R3HDM2: variants seen among roughly 807,000 people sequenced by gnomAD.
R3HDM2 encodes the protein R3H domain containing 2.
Under a neutral mutation model 124.5 loss-of-function variants are expected in R3HDM2, and 38 were observed. The ratio of observed to expected loss-of-function variants is 0.31; its 90% CI spans 0.24 to 0.40. The LOEUF (loss-of-function observed/expected upper bound fraction) is 0.40, where lower values mean the gene tolerates loss of function less well. Ranked by LOEUF, R3HDM2 falls within the 10% of genes least tolerant of loss-of-function variation. R3HDM2 has a pLI of 1.00. For missense variants in R3HDM2, 869 were observed against 1,236.9 expected (o/e 0.70, Z 4.46); for synonymous variants, 391 against 448.0 (o/e 0.87, Z 1.61).
At chr12:57,427,295 A>T (rs2070833601) in intron 1 of R3HDM2, among the ~76,000 whole-genome samples, 2 of 149,112 alleles carry the variant, frequency 1.3e-5, no homozygotes, top group African/African-American at 2.5e-5. Flanking sequence ...TGTCTCAAAA[A>T]AAATAAATAA....
intron 1 of R3HDM2, among the ~76,000 whole-genome samples, chr12:57,421,563 T>C (rs2070202674): frequency 6.6e-6 from 1 of 150,972 alleles, no homozygotes; most frequent in African/African-American, 2.4e-5. Flanking sequence ...TGGAGTGCAA[T>C]GTGGTGGGAT....
At chr12:57,309,460 A>G (rs2053460872) in intron 3 of R3HDM2, among the ~76,000 whole-genome samples, 1 of 152,236 alleles carries the variant, frequency 6.6e-6, no homozygotes, top group Non-Finnish European at 1.5e-5. Flanking sequence ...ATCTACTACC[A>G]TCATTTCTGT....
intron 1 of R3HDM2, 120 bp downstream of exon 1, chr12:57,430,600 G>C: frequency 1.0e-6 from 1 of 984,734 alleles, no homozygotes; most frequent in Non-Finnish European, 1.2e-6. Context: ...CCCGGGACCG[G>C]CTGCCGGGCG....
At chr12:57,330,388 G>A (rs548516009) in intron 2 of R3HDM2, among the ~76,000 whole-genome samples, 16 of 150,654 alleles carry the variant, frequency 1.1e-4, no homozygotes, top group East Asian at 3.9e-4. Context: ...TCGTTGCCCC[G>A]GCTGGAGTTC....
chr12:57,415,165 T>C (rs1245509899), intron 1 of R3HDM2: 1 of 152,160 alleles, frequency 6.6e-6, no homozygotes, highest in Non-Finnish European at 1.5e-5. Flanking sequence ...TGAATTTTTT[T>C]GAACTATCAA....
intron 2 of R3HDM2, among the ~76,000 whole-genome samples, chr12:57,339,416 C>T (rs2059275889): frequency 6.6e-6 from 1 of 151,986 alleles, no homozygotes; most frequent in Non-Finnish European, 1.5e-5. Flanking sequence ...TAAAGAGAAG[C>T]TCTTGGCAGA....
chr12:57,339,001 T>C (rs1420221325), intron 2 of R3HDM2, among the ~76,000 whole-genome samples: 1 of 152,122 alleles, frequency 6.6e-6, no homozygotes, highest in Admixed American at 6.6e-5. Flanking sequence ...GGGTACTAAT[T>C]ATTGTCTTCG....
intron 2 of R3HDM2, among the ~76,000 whole-genome samples, chr12:57,366,758 T>C (rs759542539): frequency 3.3e-5 from 5 of 152,106 alleles, no homozygotes; most frequent in African/African-American, 1.2e-4. Flanking sequence ...GGCGCGATCT[T>C]GGCTCACTGC....
intron 2 of R3HDM2, among the ~76,000 whole-genome samples, chr12:57,342,295 C>G (rs573582943): frequency 3.3e-5 from 5 of 152,218 alleles, no homozygotes; most frequent in South Asian, 2.1e-4. Context: ...CCTCTTCCCC[C>G]ACCCACAGCC....
intron 2 of R3HDM2, among the ~76,000 whole-genome samples, chr12:57,386,325 C>T (rs1377993968): frequency 6.6e-6 from 1 of 152,178 alleles, no homozygotes; most frequent in Non-Finnish European, 1.5e-5. Flanking sequence ...GAGGCACGGG[C>T]GGGAACCGAG....
chr12:57,258,752 G>C, intron 20 of R3HDM2, 138 bp downstream of exon 20: 1 of 786,074 alleles, frequency 1.3e-6, no homozygotes, highest in Non-Finnish European at 1.9e-6. Context: ...AGAGGATGCT[G>C]TCTACTTCCT....
At chr12:57,410,642 C>A (rs2068925928) in intron 1 of R3HDM2, among the ~76,000 whole-genome samples, 2 of 152,106 alleles carry the variant, frequency 1.3e-5, no homozygotes, top group African/African-American at 2.4e-5. Context: ...CGCCTGAGGC[C>A]AGGAGTTTGA....
rs555025030 is a variant in R3HDM2 at position 57,283,666 on chromosome 12, G to A, written c.1171+158C>T. Among the ~76,000 whole-genome samples the A allele has an allele frequency of 2.6e-5, 4 of 152,214 alleles. No homozygotes were observed. The South Asian group carries it at 8.3e-4, about 32-fold the overall frequency. ...AGGCAGGAGAATCACTTGAACCCGG[G>A]AGACAGAGGTTGCAGTGAGCTGAGA... On this transcript the variant is annotated intron_variant, in intron 13 of 23. Coordinates refer to ENST00000402412, the MANE Select transcript of R3HDM2 (RefSeq NM_001394031.1).
chr12:57,356,060 C>T (rs2061257520), intron 2 of R3HDM2, among the ~76,000 whole-genome samples: 1 of 152,126 alleles, frequency 6.6e-6, no homozygotes. Context: ...CTGTTTCCCC[C>T]ACCCCCTTAC....
intron 2 of R3HDM2, among the ~76,000 whole-genome samples, chr12:57,379,241 G>A (rs1211002201): frequency 6.6e-6 from 1 of 152,132 alleles, no homozygotes; most frequent in African/African-American, 2.4e-5. Flanking sequence ...TTTATGTTAT[G>A]GTTAAGATGG....
chr12:57,361,817 T>A (rs2062000334), intron 2 of R3HDM2, among the ~76,000 whole-genome samples: 1 of 152,174 alleles, frequency 6.6e-6, no homozygotes, highest in South Asian at 2.1e-4. Flanking sequence ...CAGCAAAAGA[T>A]GGTTTCATAA....
chr12:57,327,599 T>C (rs1243223061), intron 2 of R3HDM2, among the ~76,000 whole-genome samples: 2 of 152,214 alleles, frequency 1.3e-5, no homozygotes, highest in Non-Finnish European at 2.9e-5. Context: ...TTAAAAACAT[T>C]TGTGATTTAT....
chr12:57,425,781 C>T (rs1002408668), intron 1 of R3HDM2, among the ~76,000 whole-genome samples: 1 of 151,944 alleles, frequency 6.6e-6, no homozygotes, highest in Non-Finnish European at 1.5e-5. Flanking sequence ...CTGGGAGACA[C>T]AGCAAGACTC....
At chr12:57,307,340 A>G (rs2052863477) in intron 3 of R3HDM2, among the ~76,000 whole-genome samples, 1 of 151,506 alleles carries the variant, frequency 6.6e-6, no homozygotes, top group African/African-American at 2.4e-5. Context: ...GTTTTTTGAG[A>G]CGGGGTCTCA....
Sources: gnomAD v4.1 joint callset for allele counts (sites outside exome capture counted in the v4.1 genomes callset) on GRCh38, gnomAD v4.1.1 for gene constraint, MANE v1.5 for transcripts, NCBI Gene and HGNC (gene_info 2026-07-23, HGNC 2026-07-21) for gene names.